The following GCNT3 variants were observed in gnomAD, a reference collection of about 807,000 sequenced individuals.
GCNT3 encodes the protein beta-1,3-galactosyl-O-glycosyl-glycoprotein beta-1,6-N-acetylglucosaminyltransferase 3.
For missense variants in GCNT3, 708 were observed against 530.3 expected (o/e 1.34, Z -3.29); for synonymous variants, 269 against 195.2 (o/e 1.38, Z -3.15).
chr15:59,616,755 G>A lies in GCNT3; in HGVS notation c.-187G>A, dbSNP rs1237549786. On this transcript the variant is annotated 5_prime_UTR_variant, in exon 2 of 3. It introduces an in-frame stop codon into an upstream open reading frame of the 5' UTR. Transcript: ENST00000396065. ...TATGAATGTCAGAAAATACCTTTTG[G>A]AGGGTTAGAAGATCAGGGGACATGG... 1.3e-5 allele frequency: 2 copies of A among 152,212 alleles called. No homozygotes were observed. The highest frequency in any genetic ancestry group is 6.5e-5 in the Admixed American group (1 of 15,278). The allele number at this position is 152,212 out of a possible 1,614,324, so 9.4% of individuals were successfully genotyped here.
chr15:59,619,078 CAAG>C lies in GCNT3; in HGVS notation c.847_849del (p.Lys283del), dbSNP rs777839068. Reference sequence around the variant, plus strand: ...TGAGAGACACATTACACCTAACCAACAAGAAGAAGGATCCTCCCCCTTATAATT... The same window carrying C: ...TGAGAGACACATTACACCTAACCAACAAGAAGGATCCTCCCCCTTATAATT... On this transcript the variant is annotated inframe_deletion, in exon 3 of 3. Coordinates refer to ENST00000396065, the MANE Select transcript of GCNT3 (RefSeq NM_004751.3). The C allele has an allele frequency of 5.6e-6, 9 of 1,613,972 alleles. No individual in the cohort carries two copies. The highest frequency in any genetic ancestry group is 7.6e-6 in the Non-Finnish European group (9 of 1,179,952).
In GCNT3 at chr15:59,619,850, G is replaced by C. The variant is rs1488915060; in HGVS notation, c.*295G>C. On this transcript the variant is annotated 3_prime_UTR_variant, in exon 3 of 3. Coordinates refer to ENST00000396065, the MANE Select transcript of GCNT3 (RefSeq NM_004751.3). ...GAGTGAAGGAGGGATATGTGGTAGA[G>C]CACTTGATTTCAGTTGAATGCCTGC... 4.0e-6 allele frequency: 1 copy of C among 251,888 alleles called. No homozygotes were observed. The highest frequency in any genetic ancestry group is 8.3e-6 in the Non-Finnish European group (1 of 121,136). The allele number at this position is 251,888 out of a possible 1,614,324, so 15.6% of individuals were successfully genotyped here.
rs144072823 is a variant in GCNT3, at chr15:59,613,856, A to G, written c.-251+1875A>G. On this transcript the variant is annotated intron_variant, in intron 1 of 2. Coordinates refer to ENST00000396065, the MANE Select transcript of GCNT3 (RefSeq NM_004751.3). ...AACCGCATCTCTACAAAAAAAATAC[A>G]AATAATAAAAATTAGCTGGGCATGG... Among the ~76,000 whole-genome samples, 75 of 152,216 alleles carry G rather than the reference A, an allele frequency of 4.9e-4. No homozygotes were observed. The East Asian group carries it at 0.014, about 27-fold the overall frequency.
chr15:59,617,170 C>T lies in GCNT3; in HGVS notation c.-61+289C>T, dbSNP rs374732686. 2.7e-3 allele frequency among the ~76,000 whole-genome samples: 225 copies of T among 81,970 alleles called. 1 individual carries two copies. The highest frequency in any genetic ancestry group is 3.2e-3 in the Non-Finnish European group (129 of 40,056). 53.8% of individuals were successfully genotyped at this position (81,970 alleles called of 152,430 possible). A position where few individuals can be genotyped will look rare whatever the true frequency, so the allele number is the denominator to read the frequency against. On this transcript the variant is annotated intron_variant, in intron 2 of 2. Coordinates refer to ENST00000396065, the MANE Select transcript of GCNT3 (RefSeq NM_004751.3). The stretch of plus-strand genomic sequence containing the variant: ...TTTTTCTTTATTTTTCTTTTGTTTT[C>T]TTTCTTTCTTTTTTTTTTTTTAAAG...
intron 1 of GCNT3, among the ~76,000 whole-genome samples, chr15:59,615,388 C>A (rs1340755227): frequency 6.6e-6 from 1 of 152,110 alleles, no homozygotes; most frequent in Non-Finnish European, 1.5e-5. Context: ...TGAGTGGTCA[C>A]CACTCTTCAG....
rs901250697 is a variant in GCNT3 at position 59,619,557 on chromosome 15, A to T, written c.*2A>T. The T allele has an allele frequency of 6.5e-6, 10 of 1,544,532 alleles. No individual in the cohort carries two copies. The highest frequency in any genetic ancestry group is 8.9e-6 in the Non-Finnish European group (10 of 1,125,476). On this transcript the variant is annotated 3_prime_UTR_variant, in exon 3 of 3. Transcript: ENST00000396065. ...GCCATCTATGGGACTGAACTTTGAG[A>T]CACACTATGAGAGCGTTGCTACCTG...
chr15:59,612,219 A>G (rs1352475525), intron 1 of GCNT3, among the ~76,000 whole-genome samples: 1 of 152,176 alleles, frequency 6.6e-6, no homozygotes, highest in African/African-American at 2.4e-5. Context: ...TTCCACAAAC[A>G]TACAAGGATT....
intron 2 of GCNT3, chr15:59,617,810 T>C (rs1284705022): frequency 1.3e-5 from 2 of 154,082 alleles, no homozygotes; most frequent in African/African-American, 4.8e-5. Flanking sequence ...TCTCTCCAGA[T>C]CTATCAGAAA....
At position 59,622,662 on chromosome 15, in the gene GCNT3, C is replaced by T. The variant is rs1228969626; in HGVS notation, c.*3107C>T. The T allele has an allele frequency of 6.6e-6, 1 of 152,076 alleles. No homozygotes were observed. Among genetic ancestry groups the T allele is most frequent in the African/African-American group, 2.4e-5 (1 of 41,396 alleles). 9.4% of individuals were successfully genotyped at this position (152,076 alleles called of 1,614,324 possible). On this transcript the variant is annotated 3_prime_UTR_variant, in exon 3 of 3. Coordinates refer to ENST00000396065, the MANE Select transcript of GCNT3 (RefSeq NM_004751.3). ...CTTTGGCCTCATAGTTAACTTACTC[C>T]AAAAGCTTTCATGTGAAATAATTTA...
rs373439386 is a variant in GCNT3 at position 59,617,170 on chromosome 15, C to CTTTTTTT, written c.-61+292_-61+293insTTTTTTT. Among the ~76,000 whole-genome samples the CTTTTTTT allele has an allele frequency of 9.7e-5, 8 of 82,386 alleles. 2 individuals carry two copies. Among genetic ancestry groups the CTTTTTTT allele is most frequent in the East Asian group, 3.5e-4 (1 of 2,894 alleles). 54.0% of individuals were successfully genotyped at this position (82,386 alleles called of 152,430 possible). ...TTTTTCTTTATTTTTCTTTTGTTTT[C>CTTTTTTT]TTTCTTTCTTTTTTTTTTTTTAAAG... On this transcript the variant is annotated intron_variant, in intron 2 of 2. Transcript: ENST00000396065.
Position 59,618,495 on chromosome 15 carries a change from T to C in GCNT3, c.257T>C (p.Leu86Pro). Residue 86 changes from leucine (L) to proline (P), a missense_variant, in exon 3 of 3, where the codon CTG (leucine) becomes CCG (proline). Transcript: ENST00000396065. Reference sequence around the variant, plus strand: ...CAAGAGGCAGTGCTTCAGGCTATTCTGAATAACCTGGAGGTCAAGAAGAAG... The same window carrying C: ...CAAGAGGCAGTGCTTCAGGCTATTCCGAATAACCTGGAGGTCAAGAAGAAG... ...GDQEAVLQAI[L>P]NNLEVKKKRE... 4 of 1,613,896 alleles carry C rather than the reference T, an allele frequency of 2.5e-6. No individual in the cohort carries two copies. The highest frequency in any genetic ancestry group is 3.4e-6 in the Non-Finnish European group (4 of 1,179,756).
Position 59,618,394 on chromosome 15 carries a change from T to C in GCNT3, c.156T>C (p.Cys52=). ...CCAGGGAATCTCAAAGCCAGTACTG[T>C]AGGAATATCTTGTATAATTTCCTGA... ...LESRESQSQY[C]RNILYNFLKL... Residue 52 remains cysteine, a synonymous_variant, in exon 3 of 3, where the codon TGT becomes TGC. Coordinates refer to ENST00000396065, the MANE Select transcript of GCNT3 (RefSeq NM_004751.3). 6.2e-7 allele frequency: 1 copy of C among 1,614,136 alleles called. No homozygotes were observed. Among genetic ancestry groups the C allele is most frequent in the Non-Finnish European group, 8.5e-7 (1 of 1,179,986 alleles).
rs1449201849 is a variant in GCNT3 at position 59,620,574 on chromosome 15, G to C, written c.*1019G>C. On this transcript the variant is annotated 3_prime_UTR_variant, in exon 3 of 3. Transcript: ENST00000396065. ...CCAGGTTTGTGATTTTTCTGTAAAG[G>C]AAAAGGCAGGGTGATTTAACCAGTT... is the stretch of plus-strand genomic sequence containing the variant. 2 of 166,940 alleles carry C rather than the reference G, an allele frequency of 1.2e-5. No homozygotes were observed. The highest frequency in any genetic ancestry group is 4.8e-5 in the African/African-American group (2 of 41,372). The allele number at this position is 166,940 out of a possible 1,614,324, so 10.3% of individuals were successfully genotyped here. A position where few individuals can be genotyped will look rare whatever the true frequency, so the allele number is the denominator to read the frequency against.
chr15:59,613,641 G>T (rs550841009), intron 1 of GCNT3, among the ~76,000 whole-genome samples: 2 of 152,072 alleles, frequency 1.3e-5, no homozygotes, highest in African/African-American at 2.4e-5. Flanking sequence ...TAGGAGGATC[G>T]CTTGAGCCCA....
intron 2 of GCNT3, 106 bp from the exon 3 acceptor site, chr15:59,618,073 G>A (rs2082727783): frequency 3.8e-6 from 2 of 530,918 alleles, no homozygotes; most frequent in Non-Finnish European, 6.6e-6. Context: ...TCTTTACTAA[G>A]GATTTTTGTC....
intron 1 of GCNT3, chr15:59,615,324 T>C (rs1409020336): frequency 6.6e-6 from 1 of 152,186 alleles, no homozygotes; most frequent in African/African-American, 2.4e-5. Flanking sequence ...TCCTGAGAGG[T>C]CTGGATCTCA....
At position 59,622,705 on chromosome 15, in the gene GCNT3, A is replaced by G. The variant is rs1463592131; in HGVS notation, c.*3150A>G. 3.3e-5 allele frequency: 5 copies of G among 152,226 alleles called. No homozygotes were observed. Among genetic ancestry groups the G allele is most frequent in the Non-Finnish European group, 7.3e-5 (5 of 68,042 alleles). The allele number at this position is 152,226 out of a possible 1,614,324, so 9.4% of individuals were successfully genotyped here. The stretch of plus-strand genomic sequence containing the variant: ...ATAATTTATAATTTTTTATATAAAT[A>G]AAAAGATTAAAATGTGAACTTGTCA... On this transcript the variant is annotated 3_prime_UTR_variant, in exon 3 of 3. Transcript: ENST00000396065.
At position 59,622,077 on chromosome 15, in the gene GCNT3, C is replaced by G. The variant is rs1890946688; in HGVS notation, c.*2522C>G. 6.6e-6 allele frequency: 1 copy of G among 151,420 alleles called. No individual in the cohort carries two copies. The allele number at this position is 151,420 out of a possible 1,614,324, so 9.4% of individuals were successfully genotyped here. A position where few individuals can be genotyped will look rare whatever the true frequency, so the allele number is the denominator to read the frequency against. The stretch of plus-strand genomic sequence containing the variant: ...CCTGTAATCCCAGCACTTTGGGAGG[C>G]CAAGGTAGGCAGATCACTTGAGGTC... On this transcript the variant is annotated 3_prime_UTR_variant, in exon 3 of 3. Transcript: ENST00000396065.
In GCNT3 at chr15:59,620,603, C is replaced by G. The variant is rs974947850; in HGVS notation, c.*1048C>G. ...AGGCAGGGTGATTTAACCAGTTTGA[C>G]CACCTTTCCTGTACTCTTACAGGAA... On this transcript the variant is annotated 3_prime_UTR_variant, in exon 3 of 3. Coordinates refer to ENST00000396065, the MANE Select transcript of GCNT3 (RefSeq NM_004751.3). The G allele has an allele frequency of 1.8e-5, 3 of 166,998 alleles. No individual in the cohort carries two copies. The highest frequency in any genetic ancestry group is 2.9e-5 in the Non-Finnish European group (2 of 68,112). 10.3% of individuals were successfully genotyped at this position (166,998 alleles called of 1,614,324 possible).
Sources: allele counts gnomAD v4.1 joint callset (sites outside exome capture counted in the v4.1 genomes callset), GRCh38; gene constraint gnomAD v4.1.1; transcripts MANE v1.5; gene names NCBI Gene and HGNC (gene_info 2026-07-23, HGNC 2026-07-21).